Variants in TTN observed in about 807,000 individuals in gnomAD.
The protein encoded by TTN is titin.
Under a neutral mutation model 3,223.0 loss-of-function variants are expected in TTN, and 1,525 were observed. The ratio of observed to expected loss-of-function variants is 0.47; its 90% CI spans 0.45 to 0.49. The LOEUF (loss-of-function observed/expected upper bound fraction) is 0.49. Among genes scored for constraint, TTN ranks in the 20% least tolerant of loss-of-function variants. The pLI is 0.00. For missense variants in TTN, 40,786 were observed against 43,424.0 expected, an observed-to-expected ratio of 0.94 and a Z score of 5.40; for synonymous variants, 14,094 against 15,161.0, an observed-to-expected ratio of 0.93 and a Z score of 5.17.
Position 178,591,034 on chromosome 2 carries a change from G to A in TTN, c.60691C>T (p.Leu20231=). 1 of 1,613,396 alleles carries A rather than the reference G, an allele frequency of 6.2e-7. No homozygotes were observed. The highest frequency in any genetic ancestry group is 1.1e-5 in the South Asian group (1 of 91,062). ...VVSSGSSKTK[L]KIPHLQKGCE... Reference sequence around the variant, plus strand: ...CCCTTCTGCAGATGTGGGATTTTCAGCTTTGTCTTACTGCTTCCGGAAGAG... The same window carrying A: ...CCCTTCTGCAGATGTGGGATTTTCAACTTTGTCTTACTGCTTCCGGAAGAG... Residue 20231 remains leucine (L), a synonymous_variant, in exon 304 of 363, where the codon CTG becomes TTG. Coordinates refer to ENST00000589042, the MANE Select transcript of TTN (RefSeq NM_001267550.2).
chr2:178,538,513 A>AT lies in TTN; in HGVS notation c.99289+26dup, dbSNP rs1692782793. The AT allele has an allele frequency of 5.7e-6, 9 of 1,579,202 alleles. 1 individual carries two copies. The South Asian group carries it at 1.1e-4, about 19-fold the overall frequency. On this transcript the variant is annotated intron_variant, in intron 354 of 362. Coordinates refer to ENST00000589042, the MANE Select transcript of TTN (RefSeq NM_001267550.2). Reference sequence around the variant, plus strand: ...CCTTAACTTGTTTAGTTTGTAAATCATAAGTAGAGAACCAAAGGCTACTTA... The same window carrying AT: ...CCTTAACTTGTTTAGTTTGTAAATCATTAAGTAGAGAACCAAAGGCTACTTA...
Position 178,733,734 on chromosome 2 carries a change from A to G in TTN, c.15655T>C (p.Ser5219Pro), listed in dbSNP as rs759581032. 2 of 1,613,884 alleles carry G rather than the reference A, an allele frequency of 1.2e-6. No individual in the cohort carries two copies. The highest frequency in any genetic ancestry group is 3.3e-5 in the Admixed American group (2 of 60,004). Reference sequence around the variant, plus strand: ...ATTATCAAGACTGCAACACCATTGGAAAAGCTCATTTTGATTTTTCCGTCT... The same window carrying G: ...ATTATCAAGACTGCAACACCATTGGGAAAGCTCATTTTGATTTTTCCGTCT... ...REDGKIKMSF[S>P]NGVAVLIIPD... is the part of the protein sequence containing the mutation. The change falls in exon 53 of 363, where the codon TCC (serine) becomes CCC (proline). Residue 5219 changes from serine to proline, a missense_variant. Physicochemically the swap from Ser to Pro is moderately conservative, Grantham distance 74 (BLOSUM62 -1). Transcript: ENST00000589042.
rs751011918 is a variant in TTN at position 178,719,411 on chromosome 2, G to A, written c.23979C>T (p.Asp7993=). The A allele has an allele frequency of 1.4e-5, 23 of 1,613,180 alleles. No individual in the cohort carries two copies. In the South Asian group the frequency reaches 2.0e-4, roughly 14 times the overall value. The change falls in exon 83 of 363, where the codon GAC becomes GAT. Residue 7993 remains aspartate (D), a synonymous_variant. Transcript: ENST00000589042. ...VPPSFIRKLK[D]VNAILGASVV... ...CTGAGGCCCCCAGGATGGCATTCAC[G>A]TCTTTCAGCTTGCGGATGAAGGAAG...
At chr2:178,630,218 C>T (rs748858477) in intron 239 of TTN, 23 bp downstream of exon 239, 5 of 1,610,704 alleles carry the variant, frequency 3.1e-6, no homozygotes, top group South Asian at 1.1e-5. Context: ...ATTTAATTTC[C>T]CTGAAAAATA....
Position 178,584,422 on chromosome 2 carries a change from T to C in TTN, c.65129A>G (p.Asn21710Ser), listed in dbSNP as rs756152181. ...ERNSLLWVKA[N>S]DTLVRSTEYP... Reference sequence around the variant, plus strand: ...TTCAGTTGACCGGACAAGAGTATCATTGGCTTTCACCCACAGCAAACTGTT... The same window carrying C: ...TTCAGTTGACCGGACAAGAGTATCACTGGCTTTCACCCACAGCAAACTGTT... The change falls in exon 311 of 363, where the codon AAT (asparagine) becomes AGT (serine). Residue 21710 changes from asparagine (N) to serine (S), a missense_variant. By Grantham distance (46) the Asn-to-Ser change is conservative. Transcript: ENST00000589042. The C allele has an allele frequency of 1.2e-6, 2 of 1,613,336 alleles. No homozygotes were observed. The highest frequency in any genetic ancestry group is 1.7e-6 in the Non-Finnish European group (2 of 1,179,512).
chr2:178,534,676 T>C lies in TTN; in HGVS notation c.101939A>G (p.Glu33980Gly), dbSNP rs1559040103. The C allele has an allele frequency of 6.2e-7, 1 of 1,613,840 alleles. No individual in the cohort carries two copies. The highest frequency in any genetic ancestry group is 1.7e-4 in the Middle Eastern group (1 of 6,058). Residue 33980 changes from glutamate to glycine, a missense_variant, in exon 358 of 363, where the codon GAA becomes GGA. By Grantham distance (98) the Glu-to-Gly change is moderately conservative. Coordinates refer to ENST00000589042, the MANE Select transcript of TTN (RefSeq NM_001267550.2). ...CTGGTGGACTTCAGGTGCATAGTAT[T>C]CTGGGGCAGTGAATAGAAGCCTGAA... ...DNFRLLFTAP[E>G]YYAPEVHQHD...
In TTN at chr2:178,614,481, C is replaced by T; in HGVS notation, c.49033G>A (p.Glu16345Lys). 1 of 1,604,904 alleles carries T rather than the reference C, an allele frequency of 6.2e-7. No individual in the cohort carries two copies. The highest frequency in any genetic ancestry group is 1.1e-5 in the South Asian group (1 of 89,380). The change falls in exon 261 of 363, where the codon GAA (glutamate) becomes AAA (lysine). Residue 16345 changes from glutamate (E) to lysine (K), a missense_variant. Transcript: ENST00000589042. Reference sequence around the variant, plus strand: ...CCTTCCTTACCTAAGACGTTCACTTCCACCACAGCAGTGGCCCGGCCACAC... The same window carrying T: ...CCTTCCTTACCTAAGACGTTCACTTTCACCACAGCAGTGGCCCGGCCACAC... Reference protein sequence around the residue: ...NVCGRATAVVEVNVLDKPGPP... With the variant: ...NVCGRATAVVKVNVLDKPGPP...
Position 178,764,649 on chromosome 2 carries a change from T to A in TTN, c.9866A>T (p.His3289Leu). 1 of 1,614,082 alleles carries A rather than the reference T, an allele frequency of 6.2e-7. No individual in the cohort carries two copies. The highest frequency in any genetic ancestry group is 8.5e-7 in the Non-Finnish European group (1 of 1,179,992). ...LSTGFKCKFL[H>L]DGQEYTLLLI... ...CAAAAGCGTGTATTCTTGCCCATCA[T>A]GAAGAAATTTGCACTTGAAGCCAGT... The change falls in exon 42 of 363, where the codon CAT becomes CTT. Residue 3289 changes from histidine to leucine, a missense_variant. Coordinates refer to ENST00000589042, the MANE Select transcript of TTN (RefSeq NM_001267550.2).
Position 178,728,570 on chromosome 2 carries a change from G to T in TTN, c.19356C>A (p.Ser6452Arg), listed in dbSNP as rs369275615. The change falls in exon 66 of 363, where the codon AGC (serine) becomes AGA (arginine). Residue 6452 changes from serine (S) to arginine (R), a missense_variant. By Grantham distance (110) the Ser-to-Arg change is moderately radical. Coordinates refer to ENST00000589042, the MANE Select transcript of TTN (RefSeq NM_001267550.2). ...TTTCCACCTTGAAAGTGTACTGACC[G>T]CTGTCCTGCTTCATTACTGACTGAA... Reference protein sequence around the residue: ...FRIQSVMKQDSGQYTFKVEND... With the variant: ...FRIQSVMKQDRGQYTFKVEND... 1 of 1,612,990 alleles carries T rather than the reference G, an allele frequency of 6.2e-7. No individual in the cohort carries two copies. Among genetic ancestry groups the T allele is most frequent in the South Asian group, 1.1e-5 (1 of 91,020 alleles).
rs778709284 is a variant in TTN at position 178,543,940 on chromosome 2, T to C, written c.96204A>G (p.Ser32068=). 1.2e-6 allele frequency: 2 copies of C among 1,613,748 alleles called. No individual in the cohort carries two copies. Among genetic ancestry groups the C allele is most frequent in the Non-Finnish European group, 1.7e-6 (2 of 1,179,708 alleles). Residue 32068 remains serine, a synonymous_variant, in exon 346 of 363, where the codon TCA becomes TCG. Coordinates refer to ENST00000589042, the MANE Select transcript of TTN (RefSeq NM_001267550.2). ...RAIIDTTESY[S]LLIVDKVNRY... is the part of the protein sequence containing the mutation. ...GATTAACTTTGTCCACTATTAGCAA[T>C]GAGTAGCTCTCAGTGGTGTCAATAA...
chr2:178,574,363 A>G lies in TTN; in HGVS notation c.71769T>C (p.Asp23923=), dbSNP rs770323152. 18 of 1,613,454 alleles carry G rather than the reference A, an allele frequency of 1.1e-5. No individual in the cohort carries two copies. Among genetic ancestry groups the G allele is most frequent in the African/African-American group, 1.3e-5 (1 of 74,876 alleles). Residue 23923 remains aspartate (D), a synonymous_variant, in exon 326 of 363, where the codon GAT becomes GAC. Transcript: ENST00000589042. ...SKPSEPMLAL[D]PIDPPGKPVP... ...CTGGTTTTCCAGGTGGGTCAATGGG[A>G]TCCAGAGCCAACATAGGTTCTGATG...
intron 170 of TTN, 48 bp downstream of exon 170, chr2:178,663,771 T>G (rs370371912): frequency 5.0e-6 from 8 of 1,607,330 alleles, no homozygotes; most frequent in Non-Finnish European, 6.8e-6. Flanking sequence ...AAAAATATCT[T>G]CAAGAGCAAA....
chr2:178,608,469 C>T lies in TTN; in HGVS notation c.52414G>A (p.Asp17472Asn), dbSNP rs727503614. 4 of 1,580,556 alleles carry T rather than the reference C, an allele frequency of 2.5e-6. No homozygotes were observed. The highest frequency in any genetic ancestry group is 3.4e-6 in the Non-Finnish European group (4 of 1,166,916). ...TCCACAATGGGCTTATCTGGTGCAT[C>T]AGGTGGTCCTGATAAAAAAATAACA... The part of the protein sequence containing the change: ...LVAKDPFGPP[D>N]APDKPIVEDV... Residue 17472 changes from aspartate to asparagine, a missense_variant, in exon 275 of 363, where the codon GAT becomes AAT. Asp to Asn is a conservative substitution (Grantham distance 23). Coordinates refer to ENST00000589042, the MANE Select transcript of TTN (RefSeq NM_001267550.2).
Position 178,601,751 on chromosome 2 carries a change from G to A in TTN, c.55339C>T (p.Pro18447Ser). 6.2e-7 allele frequency: 1 copy of A among 1,608,336 alleles called. No homozygotes were observed. The highest frequency in any genetic ancestry group is 8.5e-7 in the Non-Finnish European group (1 of 1,178,108). Reference sequence around the variant, plus strand: ...CCTGTATGAGATCGTTTACACTCCGGAATAATAATTACTGAGGAGTTTTCA... The same window carrying A: ...CCTGTATGAGATCGTTTACACTCCGAAATAATAATTACTGAGGAGTTTTCA... Reference protein sequence around the residue: ...TAENSSVIIIPECKRSHTGKY... With the variant: ...TAENSSVIIISECKRSHTGKY... Residue 18447 changes from proline to serine, a missense_variant, in exon 286 of 363, where the codon CCG becomes TCG. Pro to Ser is a moderately conservative substitution (Grantham distance 74). Transcript: ENST00000589042.
chr2:178,692,687 C>G (rs1479841146), intron 119 of TTN, 107 bp from the exon 120 acceptor site: 3 of 785,536 alleles, frequency 3.8e-6, no homozygotes, highest in Admixed American at 3.4e-5. Context: ...CAACTGAATG[C>G]AAGAAAATTA....
In TTN at chr2:178,526,926, AAT is replaced by A; in HGVS notation, c.*84_*85del. On this transcript the variant is annotated 3_prime_UTR_variant, in exon 363 of 363. Coordinates refer to ENST00000589042, the MANE Select transcript of TTN (RefSeq NM_001267550.2). ...ATACAAAACTACTTTTTTTTCTTTA[AAT>A]ATTTACAGTTCAGAAAGATTAGTCC... 1 of 1,284,996 alleles carries A rather than the reference AAT, an allele frequency of 7.8e-7. No individual in the cohort carries two copies. Among genetic ancestry groups the A allele is most frequent in the Non-Finnish European group, 1.0e-6 (1 of 963,282 alleles). 79.6% of individuals were successfully genotyped at this position (1,284,996 alleles called of 1,614,324 possible).
At chr2:178,687,714 G>C (rs988205450) in intron 127 of TTN, among the ~76,000 whole-genome samples, 2 of 152,188 alleles carry the variant, frequency 1.3e-5, no homozygotes, top group Non-Finnish European at 2.9e-5. Context: ...TCTGTGGATT[G>C]TGGTACAAGC....
Position 178,636,066 on chromosome 2 carries a change from C to T in TTN, c.41505G>A (p.Arg13835=), listed in dbSNP as rs1319645398. The T allele has an allele frequency of 6.2e-6, 10 of 1,613,074 alleles. No individual in the cohort carries two copies. In the East Asian group the frequency reaches 2.2e-4, roughly 36 times the overall value. The part of the protein sequence containing the change: ...RIVPGVIGLM[R]ALTINDADDT... ...CATCTGCATCGTTGATGGTCAGAGC[C>T]CGCATCAAGCCAATGACGCCTGGCA... Residue 13835 remains arginine, a synonymous_variant, in exon 226 of 363, where the codon CGG becomes CGA. Coordinates refer to ENST00000589042, the MANE Select transcript of TTN (RefSeq NM_001267550.2). This position sits in a 1 kb window ranked among gnomAD's most constrained non-coding sequence, Gnocchi z 4.3.
At chr2:178,622,599 C>A in intron 243 of TTN, 71 bp downstream of exon 243, 2 of 1,284,644 alleles carry the variant, frequency 1.6e-6, no homozygotes, top group South Asian at 3.0e-5. Flanking sequence ...TTTTTTTTTC[C>A]ATTTTGGCTA....
Sources: allele counts gnomAD v4.1 joint callset (sites outside exome capture counted in the v4.1 genomes callset), GRCh38; gene constraint gnomAD v4.1.1; non-coding constraint Gnocchi (gnomAD v3.1); transcripts MANE v1.5; gene names NCBI Gene and HGNC (gene_info 2026-07-23, HGNC 2026-07-21).